The following CDR2 variants were observed in gnomAD, a reference collection of about 807,000 sequenced individuals.
CDR2 encodes the protein cerebellar degeneration related protein 2.
CDR2 carries 34 observed loss-of-function variants against 48.4 expected under a neutral mutation model. The ratio of observed to expected loss-of-function variants is 0.70; its 90% CI spans 0.53 to 0.94. The LOEUF (loss-of-function observed/expected upper bound fraction) is 0.94, where lower values mean the gene tolerates loss of function less well. CDR2 is among the 40% of genes least tolerant of loss of function. The pLI is 0.00. For synonymous variants in CDR2, 240 were observed against 219.7 expected (o/e 1.09, Z -0.82); for missense variants, 498 against 549.5 (o/e 0.91, Z 0.94).
rs536494464 is a variant in CDR2, at chr16:22,369,565, G to C, written c.80-4551C>G. On this transcript the variant is annotated intron_variant, in intron 1 of 4. Transcript: ENST00000268383. ...GCCTGGCTCAGAAACCTGAAGTCTC[G>C]ATCTCCTAAATATTTATAGGCTGTT... 5.3e-5 allele frequency among the ~76,000 whole-genome samples: 8 copies of C among 151,596 alleles called. No homozygotes were observed. In the South Asian group the frequency reaches 1.7e-3, roughly 31 times the overall value.
At chr16:22,360,463 T>A (rs1272713776) in intron 2 of CDR2, among the ~76,000 whole-genome samples, 4 of 152,218 alleles carry the variant, frequency 2.6e-5, no homozygotes, top group African/African-American at 9.6e-5. Flanking sequence ...GGAGGATTGT[T>A]TGAAACCCTC....
intron 1 of CDR2, among the ~76,000 whole-genome samples, chr16:22,370,499 AG>A (rs2049068750): frequency 6.6e-6 from 1 of 152,224 alleles, no homozygotes; most frequent in Non-Finnish European, 1.5e-5. Flanking sequence ...CTGGTTTAAA[AG>A]AAAATCCAGT....
chr16:22,347,736 C>T lies in CDR2; in HGVS notation c.594G>A (p.Leu198=). The change falls in exon 5 of 5, where the codon TTG becomes TTA. Residue 198 remains leucine (L), a synonymous_variant. Transcript: ENST00000268383. ...CCTGCAACATTGTCACTGTTTTTTT[C>T]AAGTGCTCATTTTCCTCTTCATCAG... ...PSPDEEENEH[L]KKTVTMLQAQ... is the part of the protein sequence containing the mutation. 6.2e-7 allele frequency: 1 copy of T among 1,614,128 alleles called. No homozygotes were observed.
intron 4 of CDR2, 102 bp downstream of exon 4, chr16:22,349,177 G>C: frequency 7.9e-7 from 1 of 1,258,248 alleles, no homozygotes; most frequent in African/African-American, 1.5e-5. Context: ...TAATAGCTAA[G>C]TGACTTTTCT....
At chr16:22,367,442 A>G (rs900978826) in intron 1 of CDR2, among the ~76,000 whole-genome samples, 1 of 152,248 alleles carries the variant, frequency 6.6e-6, no homozygotes, top group African/African-American at 2.4e-5. Flanking sequence ...CCTGACAAGC[A>G]GCCAGTATGA....
At position 22,347,721 on chromosome 16, in the gene CDR2, T is replaced by C. The variant is rs750198394; in HGVS notation, c.609A>G (p.Thr203=). 1 of 1,614,134 alleles carries C rather than the reference T, an allele frequency of 6.2e-7. No individual in the cohort carries two copies. Among genetic ancestry groups the C allele is most frequent in the Non-Finnish European group, 8.5e-7 (1 of 1,180,042 alleles). The change falls in exon 5 of 5, where the codon ACA becomes ACG. Residue 203 remains threonine (T), a synonymous_variant. Transcript: ENST00000268383. The part of the protein sequence containing the change: ...EENEHLKKTV[T]MLQAQLSLER... ...CCAGGCTCAGCTGGGCCTGCAACAT[T>C]GTCACTGTTTTTTTCAAGTGCTCAT...
At position 22,349,347 on chromosome 16, in the gene CDR2, C is replaced by G. The variant is rs374733638; in HGVS notation, c.438G>C (p.Pro146=). 6.2e-7 allele frequency: 1 copy of G among 1,614,158 alleles called. No individual in the cohort carries two copies. Among genetic ancestry groups the G allele is most frequent in the East Asian group, 2.2e-5 (1 of 44,876 alleles). The change falls in exon 4 of 5, where the codon CCG becomes CCC. Residue 146 remains proline, a synonymous_variant. Coordinates refer to ENST00000268383, the MANE Select transcript of CDR2 (RefSeq NM_001802.2). Reference sequence around the variant, plus strand: ...CCGGTTTCTCCTGGTCACACTTTCCCGGGCTCCTTCTCCCTTGGCCAGATG... The same window carrying G: ...CCGGTTTCTCCTGGTCACACTTTCCGGGGCTCCTTCTCCCTTGGCCAGATG... ...LKSSGQGRRS[P]GKCDQEKPAP...
chr16:22,370,941 G>A (rs889752145), intron 1 of CDR2, among the ~76,000 whole-genome samples: 6 of 152,156 alleles, frequency 3.9e-5, no homozygotes, highest in African/African-American at 1.4e-4. Flanking sequence ...AGCCAGGTGC[G>A]GTGGTTCACG....
rs1026179093 is a variant in CDR2 at position 22,371,884 on chromosome 16, G to A, written c.79+2347C>T. 3.9e-5 allele frequency among the ~76,000 whole-genome samples: 5 copies of A among 127,794 alleles called. No individual in the cohort carries two copies. In the East Asian group the frequency reaches 9.4e-4, roughly 24 times the overall value. The allele number at this position is 127,794 out of a possible 152,430, so 83.8% of individuals were successfully genotyped here. On this transcript the variant is annotated intron_variant, in intron 1 of 4. Transcript: ENST00000268383. ...TGTGTGTGTGTGTGTGTGTGTGTGT[G>A]TTTTGAGAGGGAGTTTCGTTCTTGT...
rs1258792901 is a variant in CDR2, at chr16:22,346,691, C to T, written c.*274G>A. On this transcript the variant is annotated 3_prime_UTR_variant, in exon 5 of 5. Coordinates refer to ENST00000268383, the MANE Select transcript of CDR2 (RefSeq NM_001802.2). The stretch of plus-strand genomic sequence containing the variant: ...ACTTCTCCAGAAGTATAGCTCTTCC[C>T]TCCACTGGTCCTTTTCAGGAACTGA... 4.5e-6 allele frequency: 2 copies of T among 443,962 alleles called. No homozygotes were observed. The highest frequency in any genetic ancestry group is 8.1e-6 in the Non-Finnish European group (2 of 245,806). The allele number at this position is 443,962 out of a possible 1,614,324, so 27.5% of individuals were successfully genotyped here. A position where few individuals can be genotyped will look rare whatever the true frequency, so the allele number is the denominator to read the frequency against.
intron 2 of CDR2, among the ~76,000 whole-genome samples, chr16:22,364,597 C>T (rs570286098): frequency 1.3e-5 from 2 of 151,816 alleles, no homozygotes; most frequent in Non-Finnish European, 2.9e-5. Context: ...GTGTGGTGGC[C>T]CATGCCTGTA....
intron 2 of CDR2, among the ~76,000 whole-genome samples, chr16:22,356,663 G>A (rs2048975843): frequency 1.3e-5 from 2 of 152,124 alleles, no homozygotes; most frequent in Admixed American, 6.6e-5. Flanking sequence ...TGAGGCAGGA[G>A]AATCACTTGA....
intron 2 of CDR2, among the ~76,000 whole-genome samples, chr16:22,352,712 C>G (rs959154143): frequency 6.6e-6 from 1 of 152,082 alleles, no homozygotes; most frequent in Non-Finnish European, 1.5e-5. Context: ...CTTTATAGAG[C>G]TTTTTGAGTT....
Position 22,374,335 on chromosome 16 carries a change from G to A in CDR2, c.-26C>T. On this transcript the variant is annotated 5_prime_UTR_variant, in exon 1 of 5. Coordinates refer to ENST00000268383, the MANE Select transcript of CDR2 (RefSeq NM_001802.2). ...CTCGGCTGGGTCTTCTAGGGGCAGC[G>A]GCCCCCGCCGCCGTCCCGCCTCAGC... 2.6e-6 allele frequency: 4 copies of A among 1,529,356 alleles called. No homozygotes were observed. Among genetic ancestry groups the A allele is most frequent in the South Asian group, 2.3e-5 (2 of 86,844 alleles). The allele number at this position is 1,529,356 out of a possible 1,614,324, so 94.7% of individuals were successfully genotyped here. A position where few individuals can be genotyped will look rare whatever the true frequency, so the allele number is the denominator to read the frequency against.
At chr16:22,371,984 C>T (rs548905119) in intron 1 of CDR2, among the ~76,000 whole-genome samples, 1 of 152,164 alleles carries the variant, frequency 6.6e-6, no homozygotes, top group African/African-American at 2.4e-5. Context: ...AATTCTCCTG[C>T]CTCAGCCTCC....
chr16:22,362,256 A>T (rs1212357105), intron 2 of CDR2, among the ~76,000 whole-genome samples: 1 of 152,154 alleles, frequency 6.6e-6, no homozygotes, highest in African/African-American at 2.4e-5. Context: ...CATTTCCATG[A>T]CGCTTTGCAA....
At chr16:22,360,518 C>T (rs946234033) in intron 2 of CDR2, among the ~76,000 whole-genome samples, 1 of 151,864 alleles carries the variant, frequency 6.6e-6, no homozygotes, top group Non-Finnish European at 1.5e-5. Flanking sequence ...TACAAAATAC[C>T]CTTTGGCAGT....
chr16:22,347,665 T>A lies in CDR2; in HGVS notation c.665A>T (p.Glu222Val). Residue 222 changes from glutamate to valine, a missense_variant, in exon 5 of 5, where the codon GAA becomes GTA. Physicochemically the swap from Glu to Val is moderately radical, Grantham distance 121 (BLOSUM62 -2). Coordinates refer to ENST00000268383, the MANE Select transcript of CDR2 (RefSeq NM_001802.2). ...ERQKRVTMEE[E>V]YGLVLKENSE... ...GTTCTCCTTTAACACGAGCCCATATTCCTCCTCCATAGTCACCCGCTTCTG... is the reference window on the plus strand; with the variant it reads ...GTTCTCCTTTAACACGAGCCCATATACCTCCTCCATAGTCACCCGCTTCTG... 1 of 1,614,052 alleles carries A rather than the reference T, an allele frequency of 6.2e-7. No individual in the cohort carries two copies. The highest frequency in any genetic ancestry group is 8.5e-7 in the Non-Finnish European group (1 of 1,180,022).
chr16:22,352,738 G>A (rs1276533928), intron 2 of CDR2, among the ~76,000 whole-genome samples: 1 of 152,146 alleles, frequency 6.6e-6, no homozygotes, highest in Admixed American at 6.5e-5. Context: ...TTAGTAAGTG[G>A]ATCTGTTAGT....
Sources: allele counts gnomAD v4.1 joint callset (sites outside exome capture counted in the v4.1 genomes callset), GRCh38; gene constraint gnomAD v4.1.1; transcripts MANE v1.5; gene names NCBI Gene and HGNC (gene_info 2026-07-23, HGNC 2026-07-21).